Variants in TRIM29 observed in about 807,000 individuals in gnomAD.
The protein encoded by TRIM29 is tripartite motif-containing protein 29.
TRIM29 carries 52 observed loss-of-function variants against 57.3 expected under a neutral mutation model. That is an observed-to-expected ratio of 0.91 (90% CI 0.73 to 1.14). The LOEUF (loss-of-function observed/expected upper bound fraction) is 1.14, where lower values mean the gene tolerates loss of function less well. TRIM29 is among the 50% of genes most tolerant of loss of function. The pLI is 0.00. For missense variants in TRIM29, 753 were observed against 774.6 expected (o/e 0.97, Z 0.33); for synonymous variants, 319 against 316.9 (o/e 1.01, Z -0.07).
rs1275610019 is a variant in TRIM29, at chr11:120,125,839, G to A, written c.1185C>T (p.Thr395=). 2 of 1,614,014 alleles carry A rather than the reference G, an allele frequency of 1.2e-6. No individual in the cohort carries two copies. Among genetic ancestry groups the A allele is most frequent in the South Asian group, 1.1e-5 (1 of 91,070 alleles). ...SNYSLPPPLP[T]YHVLLEGEGL... The stretch of plus-strand genomic sequence containing the variant: ...CCTCCCCCTCCAGCAGGACATGATA[G>A]GTGGGCAGGGGTGGGGGGAGAGAGT... Residue 395 remains threonine, a synonymous_variant, in exon 4 of 9, where the codon ACC becomes ACT. Coordinates refer to ENST00000341846, the MANE Select transcript of TRIM29 (RefSeq NM_012101.4).
chr11:120,137,944 C>T lies in TRIM29; in HGVS notation c.88G>A (p.Glu30Lys), dbSNP rs199655239. 192 of 1,608,274 alleles carry T rather than the reference C, an allele frequency of 1.2e-4. No homozygotes were observed. The highest frequency in any genetic ancestry group is 1.8e-4 in the Admixed American group (11 of 60,020). The change falls in exon 1 of 9, where the codon GAG becomes AAG. Residue 30 changes from glutamate (E) to lysine (K), a missense_variant. Glu to Lys is a moderately conservative substitution (Grantham distance 56, BLOSUM62 1). Transcript: ENST00000341846. The surrounding 1 kb of genome is among the most constrained non-coding windows in gnomAD (Gnocchi z 6.2). The part of the protein sequence containing the change: ...RSPSGPSGSL[E>K]NGTKADGKDA... The stretch of plus-strand genomic sequence containing the variant: ...TTGCCGTCAGCCTTGGTGCCATTCT[C>T]CAGGCTGCCACTGGGGCCCGACGGG...
intron 5 of TRIM29, among the ~76,000 whole-genome samples, chr11:120,122,598 C>T (rs749523152): frequency 6.6e-6 from 1 of 152,164 alleles, no homozygotes; most frequent in African/African-American, 2.4e-5. Context: ...AACACAGCAC[C>T]GGCCTGGCAG....
intron 3 of TRIM29, 105 bp downstream of exon 3, chr11:120,127,231 G>A (rs960334725): frequency 2.2e-5 from 21 of 941,928 alleles, no homozygotes; most frequent in South Asian, 3.1e-5. Context: ...ACAGATAGAC[G>A]AATAGGTGGA....
At position 120,137,924 on chromosome 11, in the gene TRIM29, G is replaced by C; in HGVS notation, c.108C>G (p.Asp36Glu). The C allele has an allele frequency of 1.2e-6, 2 of 1,609,396 alleles. No individual in the cohort carries two copies. The highest frequency in any genetic ancestry group is 1.7e-6 in the Non-Finnish European group (2 of 1,180,012). Residue 36 changes from aspartate to glutamate, a missense_variant, in exon 1 of 9, where the codon GAC (aspartate) becomes GAG (glutamate). By Grantham distance (45) the Asp-to-Glu change is conservative. Transcript: ENST00000341846. This position sits in a 1 kb window ranked among gnomAD's most constrained non-coding sequence, Gnocchi z 6.2. ...CGTTGGTGGTCTTGGCATCCTTGCC[G>C]TCAGCCTTGGTGCCATTCTCCAGGC... ...SGSLENGTKA[D>E]GKDAKTTNGH...
At chr11:120,115,495 T>TA in intron 7 of TRIM29, 81 bp from the exon 8 acceptor site, 1 of 1,211,798 alleles carries the variant, frequency 8.3e-7, no homozygotes, top group Non-Finnish European at 1.2e-6. Flanking sequence ...ACAGCTGCCT[T>TA]CTCCAAAGTG....
chr11:120,119,019 C>T (rs1027418257), intron 6 of TRIM29, among the ~76,000 whole-genome samples: 1 of 152,188 alleles, frequency 6.6e-6, no homozygotes, highest in Admixed American at 6.5e-5. Context: ...GGAAGGTGCT[C>T]ATTGTATGGT....
chr11:120,123,027 G>A lies in TRIM29; in HGVS notation c.1362C>T (p.Tyr454=), dbSNP rs759830928. ...TCCACTCACCCCCGAAGCTGTTCGT[G>A]TAGTTGTTCACATAGCGATGGTCAC... ...NGGDHRYVNN[Y]TNSFGGEWSA... Residue 454 remains tyrosine, a synonymous_variant, in exon 5 of 9, where the codon TAC becomes TAT. Transcript: ENST00000341846. 10 of 1,614,130 alleles carry A rather than the reference G, an allele frequency of 6.2e-6. No homozygotes were observed. Among genetic ancestry groups the A allele is most frequent in the South Asian group, 1.1e-5 (1 of 91,066 alleles).
rs759899133 is a variant in TRIM29, at chr11:120,137,900, G to A, written c.132C>T (p.Asn44=). 157 of 1,610,784 alleles carry A rather than the reference G, an allele frequency of 9.7e-5. No homozygotes were observed. The highest frequency in any genetic ancestry group is 4.4e-5 in the South Asian group (4 of 91,086). The change falls in exon 1 of 9, where the codon AAC becomes AAT. Residue 44 remains asparagine (N), a synonymous_variant. Coordinates refer to ENST00000341846, the MANE Select transcript of TRIM29 (RefSeq NM_012101.4). This position sits in a 1 kb window ranked among gnomAD's most constrained non-coding sequence, Gnocchi z 6.2. ...KADGKDAKTT[N]GHGGEAAEGK... ...CCTCAGCTGCCTCCCCGCCGTGCCC[G>A]TTGGTGGTCTTGGCATCCTTGCCGT...
chr11:120,136,377 GTGTT>G (rs748053869), intron 1 of TRIM29, among the ~76,000 whole-genome samples: 1 of 152,200 alleles, frequency 6.6e-6, no homozygotes, highest in Non-Finnish European at 1.5e-5. Flanking sequence ...TTGTAATAAA[GTGTT>G]GGATTTTATG....
chr11:120,129,691 C>G (rs1863679040), intron 1 of TRIM29, among the ~76,000 whole-genome samples: 1 of 151,662 alleles, frequency 6.6e-6, no homozygotes, highest in Non-Finnish European at 1.5e-5. Context: ...CTGCAGGCAC[C>G]CGGGGAAGTG....
intron 1 of TRIM29, among the ~76,000 whole-genome samples, chr11:120,133,416 C>A (rs866556817): frequency 1.3e-5 from 2 of 152,234 alleles, no homozygotes; most frequent in African/African-American, 4.8e-5. Context: ...CACTGGCACT[C>A]AGGTGTGTGC....
chr11:120,113,416 C>A (rs1027162889), intron 8 of TRIM29: 2 of 308,062 alleles, frequency 6.5e-6, no homozygotes, highest in African/African-American at 4.3e-5. Context: ...CACGCAAGCA[C>A]CATCAGCCCC....
intron 6 of TRIM29, 103 bp from the exon 7 acceptor site, chr11:120,118,424 A>T (rs979156553): frequency 8.6e-6 from 7 of 816,000 alleles, no homozygotes; most frequent in African/African-American, 6.9e-5. Flanking sequence ...CGCTGGCCAC[A>T]ACTTAAGCCA....
intron 6 of TRIM29, among the ~76,000 whole-genome samples, chr11:120,120,057 C>T (rs936409663): frequency 2.6e-5 from 4 of 152,090 alleles, no homozygotes; most frequent in Admixed American, 6.5e-5. Context: ...CATTTCCTGC[C>T]GTGCCTTCCT....
At position 120,137,870 on chromosome 11, in the gene TRIM29, C is replaced by T. The variant is rs1863853786; in HGVS notation, c.162G>A (p.Lys54=). The T allele has an allele frequency of 2.5e-6, 4 of 1,611,450 alleles. No individual in the cohort carries two copies. The highest frequency in any genetic ancestry group is 1.3e-5 in the African/African-American group (1 of 74,952). ...NGHGGEAAEG[K]SLGSALKPGE... ...CTGGCTTCAGGGCGCTGCCCAGGCT[C>T]TTGCCCTCAGCTGCCTCCCCGCCGT... is the stretch of plus-strand genomic sequence containing the variant. The change falls in exon 1 of 9, where the codon AAG becomes AAA. Residue 54 remains lysine, a synonymous_variant. Transcript: ENST00000341846. This position sits in a 1 kb window ranked among gnomAD's most constrained non-coding sequence, Gnocchi z 6.2.
Position 120,137,732 on chromosome 11 carries a change from T to C in TRIM29, c.300A>G (p.Glu100=). The C allele has an allele frequency of 6.2e-7, 1 of 1,612,618 alleles. No homozygotes were observed. ...GCCCTGCGTACGGCGACCTCTTGCC[T>C]TCCATAGAGTCCATGCTGAAGTAGT... The part of the protein sequence containing the change: ...NSNYFSMDSM[E]GKRSPYAGLQ... Residue 100 remains glutamate, a synonymous_variant, in exon 1 of 9, where the codon GAA becomes GAG. Coordinates refer to ENST00000341846, the MANE Select transcript of TRIM29 (RefSeq NM_012101.4). This position sits in a 1 kb window ranked among gnomAD's most constrained non-coding sequence, Gnocchi z 6.2.
At chr11:120,123,556 C>T (rs1362076148) in intron 4 of TRIM29, 2 of 420,478 alleles carry the variant, frequency 4.8e-6, no homozygotes, top group Non-Finnish European at 9.5e-6. Flanking sequence ...GATGAGGTCC[C>T]AGTGTTGGCC....
intron 1 of TRIM29, 59 bp from the exon 2 acceptor site, chr11:120,128,554 G>A: frequency 3.2e-6 from 5 of 1,564,632 alleles, no homozygotes; most frequent in Non-Finnish European, 4.3e-6. Context: ...GAGAACCAGA[G>A]AACCAGGGAG....
chr11:120,120,714 G>C (rs1251584182), intron 5 of TRIM29, 49 bp from the exon 6 acceptor site: 1 of 1,575,692 alleles, frequency 6.3e-7, no homozygotes. Flanking sequence ...TGTCTCATCA[G>C]GACTCCTTGC....
Sources: gnomAD v4.1 joint callset for allele counts (sites outside exome capture counted in the v4.1 genomes callset) on GRCh38, gnomAD v4.1.1 for gene constraint, Gnocchi (gnomAD v3.1) non-coding constraint, MANE v1.5 for transcripts, NCBI Gene and HGNC (gene_info 2026-07-23, HGNC 2026-07-21) for gene names.